MMP16: variants seen among roughly 807,000 people sequenced by gnomAD.
MMP16 encodes matrix metalloproteinase-16.
Under a neutral mutation model 67.8 loss-of-function variants are expected in MMP16, and 12 were observed. That is an observed-to-expected ratio of 0.18 (90% CI 0.11 to 0.29). MMP16 has a LOEUF of 0.29. MMP16 is among the 10% of genes least tolerant of loss of function. The pLI is 1.00. For synonymous variants in MMP16, 249 were observed against 255.9 expected (o/e 0.97, Z 0.26); for missense variants, 475 against 765.7 (o/e 0.62, Z 4.48).
intron 4 of MMP16, among the ~76,000 whole-genome samples, chr8:88,119,447 A>G (rs1807783246): frequency 6.6e-6 from 1 of 152,088 alleles, no homozygotes; most frequent in Non-Finnish European, 1.5e-5. Context: ...GCTATTAGTC[A>G]TACTAACTAG....
rs764876063 is a variant in MMP16 at position 88,327,152 on chromosome 8, C to G, written c.55G>C (p.Gly19Arg). ...AGCAAGGTTTGCAAGAAAAACACCC[C>G]CGAATGATGCACGAAATCCAACCGT... Reference protein sequence around the residue: ...GRRLDFVHHSGVFFLQTLLWI... With the variant: ...GRRLDFVHHSRVFFLQTLLWI... Residue 19 changes from glycine to arginine, a missense_variant, in exon 1 of 10, where the codon GGG (glycine) becomes CGG (arginine). By Grantham distance (125) the Gly-to-Arg change is moderately radical. Coordinates refer to ENST00000286614, the MANE Select transcript of MMP16 (RefSeq NM_005941.5). 12 of 1,613,966 alleles carry G rather than the reference C, an allele frequency of 7.4e-6. No individual in the cohort carries two copies. The highest frequency in any genetic ancestry group is 2.2e-5 in the South Asian group (2 of 91,066).
intron 4 of MMP16, among the ~76,000 whole-genome samples, chr8:88,132,711 T>C (rs1364005819): frequency 6.6e-6 from 1 of 151,886 alleles, no homozygotes; most frequent in African/African-American, 2.4e-5. Context: ...TCTTCCATAG[T>C]CTATTCATTA....
chr8:88,312,865 G>A (rs1041913799), intron 1 of MMP16, among the ~76,000 whole-genome samples: 11 of 152,142 alleles, frequency 7.2e-5, no homozygotes, highest in Non-Finnish European at 1.6e-4. Flanking sequence ...CCACTTGGGA[G>A]GCTGAGGCAG....
chr8:88,074,508 G>C, intron 7 of MMP16, 97 bp downstream of exon 7: 1 of 1,038,260 alleles, frequency 9.6e-7, no homozygotes, highest in Admixed American at 2.7e-5. Context: ...TAAATCCATA[G>C]GCTATGTAAT....
chr8:88,207,940 G>T (rs1809455012), intron 1 of MMP16, among the ~76,000 whole-genome samples: 1 of 152,172 alleles, frequency 6.6e-6, no homozygotes, highest in Admixed American at 6.5e-5. Flanking sequence ...AGGTTCTAAA[G>T]CTGGAGAATT....
intron 3 of MMP16, among the ~76,000 whole-genome samples, chr8:88,180,895 TA>T (rs1435337507): frequency 6.6e-6 from 1 of 152,196 alleles, no homozygotes; most frequent in Non-Finnish European, 1.5e-5. Flanking sequence ...TTTGAAAATC[TA>T]TTAATGTAAT....
intron 1 of MMP16, among the ~76,000 whole-genome samples, chr8:88,264,471 G>A (rs1319061918): frequency 3.3e-5 from 5 of 152,072 alleles, no homozygotes; most frequent in Non-Finnish European, 1.5e-5. Flanking sequence ...GAGGAGCTAG[G>A]GTTACAGATA....
At chr8:88,113,306 G>A (rs182123406) in intron 6 of MMP16, among the ~76,000 whole-genome samples, 1 of 151,858 alleles carries the variant, frequency 6.6e-6, no homozygotes, top group Non-Finnish European at 1.5e-5. Flanking sequence ...GCTAAGGAGG[G>A]AATATTTGGA....
In MMP16 at chr8:88,038,707, T is replaced by C. The variant is rs531771376; in HGVS notation, c.*2754A>G. The C allele has an allele frequency of 1.3e-5, 2 of 152,694 alleles. No individual in the cohort carries two copies. The highest frequency in any genetic ancestry group is 1.9e-4 in the East Asian group (1 of 5,176). The allele number at this position is 152,694 out of a possible 1,614,324, so 9.5% of individuals were successfully genotyped here. A position where few individuals can be genotyped will look rare whatever the true frequency, so the allele number is the denominator to read the frequency against. The stretch of plus-strand genomic sequence containing the variant: ...AACACTGTATAAACGAGCTTATGTA[T>C]ATAGTCCTCCATGCTTAGCAGCAGT... On this transcript the variant is annotated 3_prime_UTR_variant, in exon 10 of 10. Coordinates refer to ENST00000286614, the MANE Select transcript of MMP16 (RefSeq NM_005941.5). The surrounding 1 kb of genome is among the most constrained non-coding windows in gnomAD (Gnocchi z 4.1).
In MMP16 at chr8:88,234,272, T is replaced by C. The variant is rs913030334; in HGVS notation, c.133-36966A>G. Among the ~76,000 whole-genome samples, 5 of 152,366 alleles carry C rather than the reference T, an allele frequency of 3.3e-5. 1 individual carries two copies. In the South Asian group the frequency reaches 8.3e-4, roughly 25 times the overall value. ...GCATGTGAATTTGTCATTTTGAAAC[T>C]GTAATTTCACCTAAAATATAAGCTA... On this transcript the variant is annotated intron_variant, in intron 1 of 9. Coordinates refer to ENST00000286614, the MANE Select transcript of MMP16 (RefSeq NM_005941.5).
At chr8:88,281,638 C>T (rs568584207) in intron 1 of MMP16, among the ~76,000 whole-genome samples, 2 of 152,104 alleles carry the variant, frequency 1.3e-5, no homozygotes, top group Non-Finnish European at 2.9e-5. Context: ...ATAAATTTAC[C>T]AGGCCCCCAA....
At chr8:88,199,319 T>A (rs779947580) in intron 1 of MMP16, among the ~76,000 whole-genome samples, 6 of 152,088 alleles carry the variant, frequency 3.9e-5, no homozygotes, top group Non-Finnish European at 8.8e-5. Flanking sequence ...AAACAAATGT[T>A]TTAAAATAAT....
At chr8:88,282,833 A>C (rs1368749535) in intron 1 of MMP16, among the ~76,000 whole-genome samples, 1 of 152,162 alleles carries the variant, frequency 6.6e-6, no homozygotes, top group Non-Finnish European at 1.5e-5. Context: ...ATAGGGTATT[A>C]TATTACTAAA....
chr8:88,169,890 C>T (rs540991761), intron 3 of MMP16, among the ~76,000 whole-genome samples: 12 of 152,186 alleles, frequency 7.9e-5, no homozygotes, highest in South Asian at 2.1e-4. Context: ...AAAACTGGAG[C>T]GTCATGAACA....
In MMP16 at chr8:88,197,200, T is replaced by C. The variant is rs751591448; in HGVS notation, c.239A>G (p.Tyr80Cys). The stretch of plus-strand genomic sequence containing the variant: ...CACTTTTCCTGTCATGTTAATGCCA[T>C]AGAACTGCTGCATGGCAGCTAGGGC... The part of the protein sequence containing the change: ...QSALAAMQQF[Y>C]GINMTGKVDR... The change falls in exon 2 of 10, where the codon TAT becomes TGT. Residue 80 changes from tyrosine (Y) to cysteine (C), a missense_variant. By Grantham distance (194) the Tyr-to-Cys change is radical. Coordinates refer to ENST00000286614, the MANE Select transcript of MMP16 (RefSeq NM_005941.5). 6.8e-6 allele frequency: 11 copies of C among 1,612,306 alleles called. No individual in the cohort carries two copies. The highest frequency in any genetic ancestry group is 2.7e-5 in the African/African-American group (2 of 74,826).
chr8:88,041,049 A>ATT lies in MMP16; in HGVS notation c.*411_*412insAA. 6.5e-6 allele frequency: 1 copy of ATT among 154,788 alleles called. No homozygotes were observed. The highest frequency in any genetic ancestry group is 2.1e-4 in the South Asian group (1 of 4,782). 9.6% of individuals were successfully genotyped at this position (154,788 alleles called of 1,614,324 possible). A position where few individuals can be genotyped will look rare whatever the true frequency, so the allele number is the denominator to read the frequency against. On this transcript the variant is annotated 3_prime_UTR_variant, in exon 10 of 10. Transcript: ENST00000286614. The surrounding 1 kb of genome is among the most constrained non-coding windows in gnomAD (Gnocchi z 6.0). ...AAAAGAAAAAAAGAAAAAAAGAAAA[A>ATT]CCGTGGGTTTTCTGATTTGCTTTTT...
chr8:88,149,317 T>G (rs1400302593), intron 4 of MMP16, among the ~76,000 whole-genome samples: 2 of 152,080 alleles, frequency 1.3e-5, no homozygotes, highest in African/African-American at 2.4e-5. Flanking sequence ...CTTGCTTAGG[T>G]AAACAAAGCA....
intron 4 of MMP16, among the ~76,000 whole-genome samples, chr8:88,125,909 T>G (rs1807922972): frequency 6.6e-6 from 1 of 151,930 alleles, no homozygotes; most frequent in African/African-American, 2.4e-5. Context: ...CTGCAGCTAG[T>G]GCAAAAGAGA....
At chr8:88,250,767 C>CTTT (rs71277989) in intron 1 of MMP16, among the ~76,000 whole-genome samples, 1 of 145,606 alleles carries the variant, frequency 6.9e-6, no homozygotes. Flanking sequence ...TAGTCTTTTT[C>CTTT]TTTTTTTTTT....
Sources: gnomAD v4.1 joint callset for allele counts (sites outside exome capture counted in the v4.1 genomes callset) on GRCh38, gnomAD v4.1.1 for gene constraint, Gnocchi (gnomAD v3.1) non-coding constraint, MANE v1.5 for transcripts, NCBI Gene and HGNC (gene_info 2026-07-23, HGNC 2026-07-21) for gene names.